CSMD1: variants seen among roughly 807,000 people sequenced by gnomAD.
The protein encoded by CSMD1 is CUB and sushi domain-containing protein 1.
CSMD1 carries 213 observed loss-of-function variants against 417.5 expected under a neutral mutation model. The observed-to-expected ratio is 0.51, with a 90% CI of 0.46 to 0.57. The LOEUF (loss-of-function observed/expected upper bound fraction) is 0.57. Ranked by LOEUF, CSMD1 falls within the 20% of genes least tolerant of loss-of-function variation. CSMD1 has a pLI of 0.00. For synonymous variants in CSMD1, 2,862 were observed against 1,736.8 expected, an observed-to-expected ratio of 1.65 and a Z score of -16.11; for missense variants, 6,923 against 4,529.7, an observed-to-expected ratio of 1.53 and a Z score of -15.17.
chr8:3,565,211 TA>T (rs1349969785), intron 10 of CSMD1, among the ~76,000 whole-genome samples: 1 of 57,386 alleles, frequency 1.7e-5, no homozygotes, highest in African/African-American at 7.0e-5. Context: ...GATAGATAGA[TA>T]GAGAGATAGA....
intron 5 of CSMD1, among the ~76,000 whole-genome samples, chr8:3,878,806 A>C (rs1473467266): frequency 1.3e-5 from 2 of 152,180 alleles, no homozygotes; most frequent in Non-Finnish European, 1.5e-5. Flanking sequence ...TATAACGACG[A>C]CCACAAATCC....
At chr8:3,888,201 T>C (rs954729305) in intron 5 of CSMD1, among the ~76,000 whole-genome samples, 16 of 152,142 alleles carry the variant, frequency 1.1e-4, no homozygotes, top group Non-Finnish European at 1.9e-4. Context: ...CCTAAAAACT[T>C]CAAATCAAAA....
intron 3 of CSMD1, among the ~76,000 whole-genome samples, chr8:4,066,296 C>T (rs1050460496): frequency 1.3e-5 from 2 of 152,130 alleles, no homozygotes; most frequent in South Asian, 2.1e-4. Context: ...CGACCTTAAC[C>T]GTTTATGTCT....
chr8:4,992,406 C>A (rs1029019926), intron 1 of CSMD1, among the ~76,000 whole-genome samples: 1 of 152,196 alleles, frequency 6.6e-6, no homozygotes, highest in African/African-American at 2.4e-5. Flanking sequence ...TCGAGGGAAC[C>A]GAGAGTGAGC....
chr8:2,971,582 G>A (rs1016553014), intron 57 of CSMD1, among the ~76,000 whole-genome samples: 12 of 152,078 alleles, frequency 7.9e-5, no homozygotes, highest in African/African-American at 2.9e-4. Flanking sequence ...TAAAATATTG[G>A]TGATAATGGT....
chr8:3,716,308 A>G (rs1801828876), intron 6 of CSMD1, among the ~76,000 whole-genome samples: 1 of 152,208 alleles, frequency 6.6e-6, no homozygotes. Context: ...GACTAAAGTG[A>G]AAGCAAGTTT....
chr8:3,062,262 T>A (rs1812636580), intron 49 of CSMD1, among the ~76,000 whole-genome samples: 1 of 151,988 alleles, frequency 6.6e-6, no homozygotes, highest in Non-Finnish European at 1.5e-5. Flanking sequence ...CAATATACCA[T>A]TAATACCATG....
intron 3 of CSMD1, among the ~76,000 whole-genome samples, chr8:4,116,756 G>C (rs550154905): frequency 6.6e-6 from 1 of 152,022 alleles, no homozygotes; most frequent in Non-Finnish European, 1.5e-5. Flanking sequence ...GGAGAGGCAG[G>C]GGGTGCGGGA....
At chr8:3,713,021 T>A (rs1265788548) in intron 6 of CSMD1, among the ~76,000 whole-genome samples, 1 of 152,054 alleles carries the variant, frequency 6.6e-6, no homozygotes, top group Admixed American at 6.5e-5. Context: ...CCAAGAAGTA[T>A]GTGAGGTTAA....
intron 51 of CSMD1, among the ~76,000 whole-genome samples, chr8:3,026,083 G>C (rs1809851085): frequency 1.3e-5 from 2 of 152,042 alleles, no homozygotes; most frequent in Admixed American, 6.5e-5. Flanking sequence ...AGCTGACTTT[G>C]AGTTAATAAA....
chr8:4,971,259 T>C (rs1810220131), intron 1 of CSMD1, among the ~76,000 whole-genome samples: 1 of 152,114 alleles, frequency 6.6e-6, no homozygotes, highest in African/African-American at 2.4e-5. Context: ...AATTATTTTA[T>C]ATAAGCCTCT....
chr8:4,043,522 A>G (rs1237577033), intron 3 of CSMD1, among the ~76,000 whole-genome samples: 2 of 152,218 alleles, frequency 1.3e-5, no homozygotes, highest in Non-Finnish European at 2.9e-5. Flanking sequence ...CAAATAGATA[A>G]CAGTAAAATA....
At chr8:4,932,795 T>A (rs1807331282) in intron 1 of CSMD1, among the ~76,000 whole-genome samples, 1 of 152,210 alleles carries the variant, frequency 6.6e-6, no homozygotes, top group African/African-American at 2.4e-5. Context: ...AAATATTCAA[T>A]AGAGTTTTAC....
At chr8:4,136,684 G>C (rs1585395001) in intron 3 of CSMD1, among the ~76,000 whole-genome samples, 1 of 152,154 alleles carries the variant, frequency 6.6e-6, no homozygotes. Context: ...AGTGTGCTGT[G>C]AGTCTTCAGA....
At chr8:3,123,367 G>A (rs1226916901) in intron 41 of CSMD1, among the ~76,000 whole-genome samples, 1 of 152,116 alleles carries the variant, frequency 6.6e-6, no homozygotes, top group Admixed American at 6.6e-5. Context: ...CACAGTGCCT[G>A]GAATGCCTCC....
intron 23 of CSMD1, among the ~76,000 whole-genome samples, chr8:3,329,488 C>G (rs543718066): frequency 6.6e-6 from 1 of 152,174 alleles, no homozygotes; most frequent in Admixed American, 6.5e-5. Context: ...CAGCCACACA[C>G]AGACTACTGT....
chr8:3,367,960 G>A (rs1354367203), intron 19 of CSMD1, among the ~76,000 whole-genome samples: 1 of 152,094 alleles, frequency 6.6e-6, no homozygotes, highest in Non-Finnish European at 1.5e-5. Flanking sequence ...TTATTTGGAG[G>A]TCTGCATAAC....
intron 1 of CSMD1, among the ~76,000 whole-genome samples, chr8:4,966,689 A>T (rs1467427644): frequency 6.6e-6 from 1 of 152,234 alleles, no homozygotes; most frequent in East Asian, 1.9e-4. Context: ...AGTTCACTCA[A>T]ATTATCCTTC....
intron 52 of CSMD1, among the ~76,000 whole-genome samples, chr8:3,008,942 T>C (rs956065960): frequency 6.6e-6 from 1 of 151,798 alleles, no homozygotes; most frequent in African/African-American, 2.4e-5. Context: ...AAGGTGAGAG[T>C]CTCCGACAAG....
Sources: gnomAD v4.1 joint callset for allele counts (sites outside exome capture counted in the v4.1 genomes callset) on GRCh38, gnomAD v4.1.1 for gene constraint, MANE v1.5 for transcripts, NCBI Gene and HGNC (gene_info 2026-07-23, HGNC 2026-07-21) for gene names.